Variants in MARCHF4 observed in about 807,000 individuals in gnomAD.
The protein encoded by MARCHF4 is E3 ubiquitin-protein ligase MARCHF4.
MARCHF4 carries 14 observed loss-of-function variants against 43.9 expected under a neutral mutation model. That is an observed-to-expected ratio of 0.32 (90% confidence interval 0.21 to 0.50). The LOEUF (loss-of-function observed/expected upper bound fraction) is 0.50, where lower values mean the gene tolerates loss of function less well. Ranked by LOEUF, MARCHF4 falls within the 20% of genes least tolerant of loss-of-function variation. MARCHF4 has a pLI of 0.98. For missense variants in MARCHF4, 468 were observed against 536.7 expected (o/e 0.87, Z 1.27); for synonymous variants, 226 against 213.3 (o/e 1.06, Z -0.52).
chr2:216,309,907 T>G (rs903324400), intron 1 of MARCHF4, among the ~76,000 whole-genome samples: 2 of 152,110 alleles, frequency 1.3e-5, no homozygotes, highest in African/African-American at 4.8e-5. Flanking sequence ...CTGATATAGC[T>G]CCATTTCCCT....
chr2:216,332,401 AAAAG>A (rs1306595112), intron 1 of MARCHF4, among the ~76,000 whole-genome samples: 7 of 151,654 alleles, frequency 4.6e-5, no homozygotes, highest in Non-Finnish European at 7.4e-5. Flanking sequence ...AAAAAAAAAA[AAAAG>A]AAAGAAAGAA....
chr2:216,314,748 T>C (rs1237328317), intron 1 of MARCHF4, among the ~76,000 whole-genome samples: 2 of 152,172 alleles, frequency 1.3e-5, no homozygotes, highest in African/African-American at 2.4e-5. Flanking sequence ...GCAGATGGTA[T>C]TTAATTTGAG....
chr2:216,351,950 T>C (rs1692410399), intron 1 of MARCHF4, among the ~76,000 whole-genome samples: 1 of 152,218 alleles, frequency 6.6e-6, no homozygotes, highest in Non-Finnish European at 1.5e-5. Context: ...CCTACAGGTA[T>C]GAGCAAATGC....
intron 2 of MARCHF4, among the ~76,000 whole-genome samples, chr2:216,280,022 C>T (rs2105939065): frequency 6.6e-6 from 1 of 152,250 alleles, no homozygotes; most frequent in East Asian, 1.9e-4. Flanking sequence ...CCTAAAACCC[C>T]TTCTACCACC....
intron 1 of MARCHF4, among the ~76,000 whole-genome samples, chr2:216,349,078 G>A (rs1692361990): frequency 6.6e-6 from 1 of 151,856 alleles, no homozygotes; most frequent in Non-Finnish European, 1.5e-5. Flanking sequence ...TTAGGTTTCT[G>A]CATCTGAGAG....
chr2:216,352,726 C>T (rs1349150040), intron 1 of MARCHF4, among the ~76,000 whole-genome samples: 3 of 152,170 alleles, frequency 2.0e-5, no homozygotes, highest in Non-Finnish European at 4.4e-5. Context: ...TGGCTAAATT[C>T]AGGTCTACCA....
At chr2:216,354,976 T>TTTCTTTCC (rs1692476280) in intron 1 of MARCHF4, among the ~76,000 whole-genome samples, 1 of 136,142 alleles carries the variant, frequency 7.3e-6, no homozygotes. Flanking sequence ...TCTTTCTTTC[T>TTTCTTTCC]TTCTTTCTTT....
chr2:216,357,393 C>T (rs1183047266), intron 1 of MARCHF4, among the ~76,000 whole-genome samples: 1 of 152,204 alleles, frequency 6.6e-6, no homozygotes, highest in Non-Finnish European at 1.5e-5. Context: ...TACATCATGG[C>T]TCCCTGCAGC....
intron 1 of MARCHF4, chr2:216,321,818 C>T (rs1203111177): frequency 2.6e-5 from 4 of 152,220 alleles, no homozygotes; most frequent in Admixed American, 2.0e-4. Flanking sequence ...GTCCCATATA[C>T]TGCATTTGTA....
intron 1 of MARCHF4, among the ~76,000 whole-genome samples, chr2:216,328,111 T>G (rs951812953): frequency 6.6e-6 from 1 of 152,198 alleles, no homozygotes; most frequent in African/African-American, 2.4e-5. Context: ...CCTCATTTAA[T>G]CTTGAGTATA....
At chr2:216,316,466 A>C (rs971319652) in intron 1 of MARCHF4, among the ~76,000 whole-genome samples, 1 of 152,188 alleles carries the variant, frequency 6.6e-6, no homozygotes, top group Non-Finnish European at 1.5e-5. Flanking sequence ...AAAGAGATGA[A>C]AGGCAAATTT....
chr2:216,294,348 A>G (rs1340244462), intron 1 of MARCHF4, among the ~76,000 whole-genome samples: 1 of 152,230 alleles, frequency 6.6e-6, no homozygotes, highest in Non-Finnish European at 1.5e-5. Flanking sequence ...ATTCTTCAAA[A>G]ATTAATTTTC....
chr2:216,341,313 G>C (rs1024987538), intron 1 of MARCHF4, among the ~76,000 whole-genome samples: 3 of 152,166 alleles, frequency 2.0e-5, no homozygotes, highest in Non-Finnish European at 4.4e-5. Flanking sequence ...TACCCACAAG[G>C]CAAAAGGCAC....
chr2:216,306,017 T>C (rs1047583516), intron 1 of MARCHF4, among the ~76,000 whole-genome samples: 1 of 152,184 alleles, frequency 6.6e-6, no homozygotes, highest in African/African-American at 2.4e-5. Flanking sequence ...ATAGTTGTCA[T>C]TATCATTATT....
At chr2:216,305,289 T>C (rs1392077877) in intron 1 of MARCHF4, among the ~76,000 whole-genome samples, 1 of 152,132 alleles carries the variant, frequency 6.6e-6, no homozygotes, top group African/African-American at 2.4e-5. Context: ...GGAAAGGAGA[T>C]AGGTGGGTAT....
At chr2:216,286,054 C>T (rs1206942447) in intron 1 of MARCHF4, among the ~76,000 whole-genome samples, 2 of 152,106 alleles carry the variant, frequency 1.3e-5, no homozygotes, top group Non-Finnish European at 2.9e-5. Flanking sequence ...TCATGGGAGC[C>T]CCCTGAGCCT....
At chr2:216,274,493 G>A (rs1033738138) in intron 3 of MARCHF4, among the ~76,000 whole-genome samples, 4 of 152,098 alleles carry the variant, frequency 2.6e-5, no homozygotes, top group African/African-American at 9.7e-5. Context: ...AGTGTGATGC[G>A]TTTTCCCTCT....
At chr2:216,346,839 C>T (rs1001383308) in intron 1 of MARCHF4, among the ~76,000 whole-genome samples, 1 of 152,084 alleles carries the variant, frequency 6.6e-6, no homozygotes, top group Non-Finnish European at 1.5e-5. Context: ...GAGTCTGTGT[C>T]CCCATTCAAA....
intron 1 of MARCHF4, among the ~76,000 whole-genome samples, chr2:216,352,145 G>A (rs1318602393): frequency 1.3e-5 from 2 of 152,168 alleles, no homozygotes; most frequent in Non-Finnish European, 2.9e-5. Context: ...ACCTTGGCAC[G>A]TCCAGGGGTT....
Sources: allele counts gnomAD v4.1 joint callset (sites outside exome capture counted in the v4.1 genomes callset), GRCh38; gene constraint gnomAD v4.1.1; transcripts MANE v1.5; gene names NCBI Gene and HGNC (gene_info 2026-07-23, HGNC 2026-07-21).